The following PBRM1 variants were observed in gnomAD, a reference collection of about 807,000 sequenced individuals.
PBRM1 encodes the protein polybromo 1, also known as protein polybromo-1.
In PBRM1, 27 loss-of-function variants were observed where a neutral mutation model predicts 194.5. That is an observed-to-expected ratio of 0.14 (90% CI 0.10 to 0.19). The LOEUF is 0.19. Among genes scored for constraint, PBRM1 ranks in the 10% least tolerant of loss-of-function variants. PBRM1 has a pLI of 1.00. For missense variants in PBRM1, 1,466 were observed against 2,077.2 expected (o/e 0.71, Z 5.72); for synonymous variants, 655 against 693.2 (o/e 0.94, Z 0.87).
intron 17 of PBRM1, among the ~76,000 whole-genome samples, chr3:52,595,412 T>A (rs1045066207): frequency 6.6e-6 from 1 of 152,182 alleles, no homozygotes; most frequent in Non-Finnish European, 1.5e-5. Context: ...GATATCTCAT[T>A]GTTTGTTCTG....
exon 27 of PBRM1, chr3:52,554,791 G>T (rs1215632261): frequency 6.3e-7 from 1 of 1,591,606 alleles, no homozygotes; most frequent in Non-Finnish European, 8.5e-7. Flanking sequence ...GCCCCCCAGG[G>T]TGAAGTGGCT....
chr3:52,579,576 C>T (rs181301671), intron 20 of PBRM1, among the ~76,000 whole-genome samples: 185 of 151,556 alleles, frequency 1.2e-3, no homozygotes, highest in African/African-American at 4.1e-3. Flanking sequence ...CCAGCCTGGG[C>T]GACAGAGCAA....
chr3:52,589,524 A>C lies in PBRM1; in HGVS notation c.2780-269T>G, dbSNP rs551472590. 3.3e-5 allele frequency among the ~76,000 whole-genome samples: 5 copies of C among 152,330 alleles called. No homozygotes were observed. In the East Asian group the frequency reaches 9.6e-4, roughly 29 times the overall value. On this transcript the variant is annotated intron_variant, in intron 17 of 29. Coordinates refer to ENST00000296302, the Ensembl canonical transcript of PBRM1. ...AGAGAATAAAAACATCACCTTACTA[A>C]TATATGATCATATGGACATTTTGGA...
At chr3:52,677,512 A>C (rs2097132785) in intron 2 of PBRM1, among the ~76,000 whole-genome samples, 1 of 149,738 alleles carries the variant, frequency 6.7e-6, no homozygotes. Context: ...TCCCGGGTTC[A>C]AGTGATTCTC....
chr3:52,638,171 C>T (rs772001526), intron 10 of PBRM1, among the ~76,000 whole-genome samples: 4 of 152,044 alleles, frequency 2.6e-5, no homozygotes, highest in Non-Finnish European at 4.4e-5. Flanking sequence ...ATCTTTTATA[C>T]ACACTGCTAG....
intron 25 of PBRM1, among the ~76,000 whole-genome samples, chr3:52,559,671 C>T (rs2083001800): frequency 6.6e-6 from 1 of 152,116 alleles, no homozygotes; most frequent in African/African-American, 2.4e-5. Flanking sequence ...CAAGAAGCTA[C>T]AGCTCCAGTC....
chr3:52,584,152 A>C (rs554555232), intron 20 of PBRM1, among the ~76,000 whole-genome samples: 1 of 152,298 alleles, frequency 6.6e-6, no homozygotes, highest in African/African-American at 2.4e-5. Context: ...TTTCAAAAAC[A>C]ATCTATGCAA....
At chr3:52,644,001 G>A (rs1360373264) in intron 8 of PBRM1, among the ~76,000 whole-genome samples, 2 of 151,460 alleles carry the variant, frequency 1.3e-5, no homozygotes, top group South Asian at 4.2e-4. Flanking sequence ...CCTAGTACAA[G>A]GAAAAGCCAG....
intron 16 of PBRM1, among the ~76,000 whole-genome samples, chr3:52,608,712 T>C (rs2094471048): frequency 6.6e-6 from 1 of 152,054 alleles, no homozygotes; most frequent in African/African-American, 2.4e-5. Flanking sequence ...AATAGTCAAG[T>C]CTGCTATTGA....
Position 52,634,560 on chromosome 3 carries a change from A to G in PBRM1, c.1301+42T>C, listed in dbSNP as rs565169673. On this transcript the variant is annotated intron_variant, in intron 11 of 29. Coordinates refer to ENST00000296302, the Ensembl canonical transcript of PBRM1. ...ATACATTATGTGCAGGCTCAGCCAC[A>G]ACAAAATAAAATTATACTGAATAAT... 8 of 1,298,530 alleles carry G rather than the reference A, an allele frequency of 6.2e-6. No homozygotes were observed. In the African/African-American group the frequency reaches 1.0e-4, roughly 17 times the overall value. The allele number at this position is 1,298,530 out of a possible 1,614,324, so 80.4% of individuals were successfully genotyped here.
At chr3:52,563,960 A>G (rs1005413164) in intron 23 of PBRM1, 90 bp downstream of exon 25, 1 of 741,106 alleles carries the variant, frequency 1.3e-6, no homozygotes, top group African/African-American at 1.8e-5. Context: ...CTAGTTTAAG[A>G]TCTAATAAAA....
chr3:52,636,274 T>C (rs2095808142), intron 10 of PBRM1, among the ~76,000 whole-genome samples: 2 of 152,152 alleles, frequency 1.3e-5, no homozygotes, highest in South Asian at 4.1e-4. Flanking sequence ...TGAGGGAATT[T>C]TTAGGTAGAA....
At chr3:52,625,429 CTTTTA>C (rs1344000592) in intron 13 of PBRM1, among the ~76,000 whole-genome samples, 1 of 152,000 alleles carries the variant, frequency 6.6e-6, no homozygotes, top group Non-Finnish European at 1.5e-5. Context: ...AACTCAGATT[CTTTTA>C]TTTTTTTAGT....
intron 6 of PBRM1, among the ~76,000 whole-genome samples, chr3:52,648,961 T>C (rs892682427): frequency 1.3e-5 from 2 of 152,198 alleles, no homozygotes; most frequent in Non-Finnish European, 2.9e-5. Context: ...AATACTCATA[T>C]AGTTGCCTAA....
intron 17 of PBRM1, among the ~76,000 whole-genome samples, chr3:52,603,312 G>T (rs2094130864): frequency 6.6e-6 from 1 of 152,228 alleles, no homozygotes; most frequent in Non-Finnish European, 1.5e-5. Context: ...TAGGATAACA[G>T]CTGTGTCACA....
downstream of PBRM1, chr3:52,547,965 T>G (rs114861355): frequency 2.7e-3 from 2,612 of 977,634 alleles, 35 homozygotes; most frequent in African/African-American, 0.037. Flanking sequence ...GCAATAAAAA[T>G]TATCCTCCTT....
intron 14 of PBRM1, 98 bp from the exon 17 acceptor site, chr3:52,615,554 G>C: frequency 1.4e-6 from 1 of 738,924 alleles, no homozygotes; most frequent in South Asian, 1.7e-5. Context: ...GTTTATGATA[G>C]TTGGGAGCTT....
At chr3:52,598,807 T>C (rs1392768863) in intron 17 of PBRM1, among the ~76,000 whole-genome samples, 5 of 151,972 alleles carry the variant, frequency 3.3e-5, no homozygotes, top group Admixed American at 2.0e-4. Context: ...GATGACCTGA[T>C]GTCAGGAGTT....
chr3:52,562,030 T>A, intron 24 of PBRM1, 62 bp from the exon 27 acceptor site: 3 of 1,388,430 alleles, frequency 2.2e-6, no homozygotes, highest in Non-Finnish European at 3.1e-6. Context: ...TGCTCAAAAT[T>A]TCAGAAGCCA....
Sources: allele counts gnomAD v4.1 joint callset (sites outside exome capture counted in the v4.1 genomes callset), GRCh38; gene constraint gnomAD v4.1.1; transcripts MANE v1.5; gene names NCBI Gene and HGNC (gene_info 2026-07-23, HGNC 2026-07-21).